FBP2: variants seen among roughly 807,000 people sequenced by gnomAD.
FBP2 encodes fructose-bisphosphatase 2.
A neutral mutation model predicts 31.6 loss-of-function variants in FBP2; 27 were observed. That is an observed-to-expected ratio of 0.85 (90% confidence interval 0.63 to 1.18). FBP2 has a LOEUF of 1.18. Ranked by LOEUF, FBP2 falls within the 50% of genes most tolerant of loss-of-function variation. The pLI, the probability that FBP2 is intolerant of heterozygous loss-of-function variation, is 0.00. For synonymous variants in FBP2, 168 were observed against 179.8 expected (o/e 0.93, Z 0.53); for missense variants, 421 against 436.1 (o/e 0.97, Z 0.31).
chr9:94,575,663 G>T (rs1386840843), intron 3 of FBP2, among the ~76,000 whole-genome samples: 1 of 152,142 alleles, frequency 6.6e-6, no homozygotes, highest in African/African-American at 2.4e-5. Context: ...GTAAATATCT[G>T]TTTAGCATTA....
intron 4 of FBP2, among the ~76,000 whole-genome samples, chr9:94,571,116 A>G (rs900056595): frequency 3.9e-5 from 6 of 152,218 alleles, no homozygotes; most frequent in Non-Finnish European, 8.8e-5. Context: ...TGCTCTAACG[A>G]ACCCATGCTT....
intron 4 of FBP2, chr9:94,570,450 CTG>C (rs1396957309): frequency 2.6e-5 from 4 of 152,198 alleles, no homozygotes; most frequent in Non-Finnish European, 5.9e-5. Context: ...CATAGGGCCA[CTG>C]TGACATTTAA....
At chr9:94,592,726 G>C (rs13286145) in intron 1 of FBP2, among the ~76,000 whole-genome samples, 1 of 152,116 alleles carries the variant, frequency 6.6e-6, no homozygotes, top group Non-Finnish European at 1.5e-5. Context: ...GTAGAGACAG[G>C]GTTTCAACAT....
At position 94,571,578 on chromosome 9, in the gene FBP2, T is replaced by C; in HGVS notation, c.451A>G (p.Lys151Glu). The C allele has an allele frequency of 1.2e-6, 2 of 1,613,586 alleles. No individual in the cohort carries two copies. Among genetic ancestry groups the C allele is most frequent in the Non-Finnish European group, 1.7e-6 (2 of 1,179,702 alleles). Reference protein sequence around the residue: ...RKTSEDEPSEKDALQCGRNIV... With the variant: ...RKTSEDEPSEEDALQCGRNIV... ...TTGCGGCCACACTGCAGGGCATCCT[T>C]TTCAGAAGGCTCATCCTCTGAGGTC... Residue 151 changes from lysine to glutamate, a missense_variant, in exon 4 of 7, where the codon AAG becomes GAG. Coordinates refer to ENST00000375337, the MANE Select transcript of FBP2 (RefSeq NM_003837.4).
Position 94,593,689 on chromosome 9 carries a change from G to T in FBP2, c.38C>A (p.Thr13Asn), listed in dbSNP as rs902169475. Residue 13 changes from threonine to asparagine, a missense_variant, in exon 1 of 7, where the codon ACC becomes AAC. By Grantham distance (65) the Thr-to-Asn change is moderately conservative (BLOSUM62 0). Coordinates refer to ENST00000375337, the MANE Select transcript of FBP2 (RefSeq NM_003837.4). Reference sequence around the variant, plus strand: ...CTTTTCCATAACGTAGCGGGTCAGGGTGAGCATGTCGGTTTCGAAGGGGCT... The same window carrying T: ...CTTTTCCATAACGTAGCGGGTCAGGTTGAGCATGTCGGTTTCGAAGGGGCT... ...DRSPFETDML[T>N]LTRYVMEKGR... is the part of the protein sequence containing the mutation. The T allele has an allele frequency of 3.1e-6, 5 of 1,614,124 alleles. No individual in the cohort carries two copies. Among genetic ancestry groups the T allele is most frequent in the Non-Finnish European group, 4.2e-6 (5 of 1,180,036 alleles).
At position 94,587,253 on chromosome 9, in the gene FBP2, C is replaced by T. The variant is rs561882389; in HGVS notation, c.333+54G>A. ...TAAAGAAAAGTAAGGCAGCTTATTTCCGGCTCAGTATCATCATCTACTGGC... is the reference window on the plus strand; with the variant it reads ...TAAAGAAAAGTAAGGCAGCTTATTTTCGGCTCAGTATCATCATCTACTGGC... On this transcript the variant is annotated intron_variant, in intron 2 of 6. Transcript: ENST00000375337. The T allele has an allele frequency of 4.1e-5, 61 of 1,496,384 alleles. 1 individual carries two copies. The South Asian group carries it at 7.4e-4, about 18-fold the overall frequency. 92.7% of individuals were successfully genotyped at this position (1,496,384 alleles called of 1,614,324 possible). A position where few individuals can be genotyped will look rare whatever the true frequency, so the allele number is the denominator to read the frequency against.
chr9:94,572,284 T>C (rs750499286), intron 3 of FBP2, among the ~76,000 whole-genome samples: 2 of 152,210 alleles, frequency 1.3e-5, no homozygotes, highest in Non-Finnish European at 2.9e-5. Flanking sequence ...TGGGGACTCT[T>C]AGCTGCTACA....
In FBP2 at chr9:94,588,006, G is replaced by A. The variant is rs1441668920; in HGVS notation, c.171-537C>T. 2.6e-5 allele frequency among the ~76,000 whole-genome samples: 4 copies of A among 151,934 alleles called. No homozygotes were observed. The South Asian group carries it at 6.2e-4, about 24-fold the overall frequency. On this transcript the variant is annotated intron_variant, in intron 1 of 6. Transcript: ENST00000375337. ...TGGGACTACAGGCGCCCGCCACCAC[G>A]CCCGGCTAATTTTTTTCTGTATTTT...
At chr9:94,584,939 CCA>C (rs1827411037) in intron 2 of FBP2, among the ~76,000 whole-genome samples, 1 of 152,088 alleles carries the variant, frequency 6.6e-6, no homozygotes, top group Non-Finnish European at 1.5e-5. Context: ...TCCCCCACAC[CCA>C]CCCACTCTGC....
At chr9:94,568,815 A>G (rs1827231726) in intron 4 of FBP2, 2 of 152,170 alleles carry the variant, frequency 1.3e-5, no homozygotes. Flanking sequence ...CTAGATAAAA[A>G]TGATTAAGGT....
intron 3 of FBP2, among the ~76,000 whole-genome samples, chr9:94,583,896 C>A (rs560727296): frequency 1.3e-5 from 2 of 152,152 alleles, no homozygotes; most frequent in African/African-American, 4.8e-5. Flanking sequence ...CGTGAGCCAC[C>A]GCAGCTGGCG....
chr9:94,593,118 A>G (rs914151560), intron 1 of FBP2, among the ~76,000 whole-genome samples: 39 of 152,206 alleles, frequency 2.6e-4, no homozygotes, highest in Non-Finnish European at 5.3e-4. Flanking sequence ...CAAGCTTCCT[A>G]TGTCGTACAT....
At chr9:94,579,932 T>C (rs1440608053) in intron 3 of FBP2, among the ~76,000 whole-genome samples, 2 of 152,244 alleles carry the variant, frequency 1.3e-5, no homozygotes, top group African/African-American at 4.8e-5. Context: ...TGTACTTTCC[T>C]TGATATGTCT....
rs1827204751 is a variant in FBP2 at position 94,567,355 on chromosome 9, CCTTT to C, written c.616_619del (p.Lys206GlufsTer6). 2 of 1,614,026 alleles carry C rather than the reference CCTTT, an allele frequency of 1.2e-6. No individual in the cohort carries two copies. The highest frequency in any genetic ancestry group is 1.7e-5 in the Admixed American group (1 of 59,998). ...GCCCTCATTCAGGCTGTAAATCTTT[CCTTT>C]CTTCTTAATCTTGACATCTTTTTCC... On this transcript the variant is annotated frameshift_variant, in exon 5 of 7. Coordinates refer to ENST00000375337, the MANE Select transcript of FBP2 (RefSeq NM_003837.4). LOFTEE classifies it high-confidence loss of function.
chr9:94,584,874 A>G (rs1484811740), intron 2 of FBP2, among the ~76,000 whole-genome samples: 2 of 152,112 alleles, frequency 1.3e-5, no homozygotes, highest in African/African-American at 4.8e-5. Flanking sequence ...TATCCATCTC[A>G]CCTGTCTGAT....
At chr9:94,588,388 A>G (rs2679604) in intron 1 of FBP2, among the ~76,000 whole-genome samples, 134,422 of 152,060 alleles carry the variant, frequency 0.88, 59,512 homozygotes, top group African/African-American at 0.94. Context: ...GTGGGAGGCC[A>G]AGGCGTGTAG....
chr9:94,582,338 A>ATGTG (rs138592246), intron 3 of FBP2, among the ~76,000 whole-genome samples: 82 of 132,010 alleles, frequency 6.2e-4, no homozygotes, highest in African/African-American at 2.2e-3. Flanking sequence ...TCTGTTAAAT[A>ATGTG]TGTGTGTGTG....
intron 3 of FBP2, among the ~76,000 whole-genome samples, chr9:94,582,825 G>A (rs1197578165): frequency 6.7e-6 from 1 of 150,100 alleles, no homozygotes; most frequent in Non-Finnish European, 1.5e-5. Context: ...TGGGATTACA[G>A]GCATGAGCCA....
At chr9:94,592,160 C>T (rs1827510689) in intron 1 of FBP2, among the ~76,000 whole-genome samples, 2 of 152,174 alleles carry the variant, frequency 1.3e-5, no homozygotes, top group Non-Finnish European at 2.9e-5. Flanking sequence ...ACCGCCTGCC[C>T]TCACATTCTG....
Sources: allele counts gnomAD v4.1 joint callset (sites outside exome capture counted in the v4.1 genomes callset), GRCh38; gene constraint gnomAD v4.1.1; transcripts MANE v1.5; gene names NCBI Gene and HGNC (gene_info 2026-07-23, HGNC 2026-07-21).